SINHCAF: variants seen among roughly 807,000 people sequenced by gnomAD.
The protein encoded by SINHCAF is SIN3-HDAC complex associated factor.
SINHCAF carries 3 observed loss-of-function variants against 25.8 expected under a neutral mutation model. The observed-to-expected ratio is 0.12, with a 90% CI of 0.05 to 0.30. SINHCAF has a LOEUF of 0.30. SINHCAF is among the 10% of genes least tolerant of loss of function. The pLI is 1.00. For missense variants in SINHCAF, 121 were observed against 262.3 expected (o/e 0.46, Z 3.72); for synonymous variants, 70 against 85.5 (o/e 0.82, Z 1.00).
chr12:31,315,408 C>CA (rs1382543044), intron 1 of SINHCAF, among the ~76,000 whole-genome samples: 1 of 152,206 alleles, frequency 6.6e-6, no homozygotes, highest in Non-Finnish European at 1.5e-5. Flanking sequence ...CCCAAGGGGT[C>CA]AGCTTTAGTT....
Position 31,326,132 on chromosome 12 carries a change from G to C in SINHCAF, c.-129C>G, listed in dbSNP as rs1020998558. The stretch of plus-strand genomic sequence containing the variant: ...CCTCCTCAACTGCCTTGTCTAGAAA[G>C]ATAGTCTCCTGCAGTTCTGCAGTTG... On this transcript the variant is annotated 5_prime_UTR_variant, in exon 1 of 6. The change creates a new upstream start codon in the 5' untranslated region. Coordinates refer to ENST00000337682, the MANE Select transcript of SINHCAF (RefSeq NM_001135812.2). 6.6e-6 allele frequency: 1 copy of C among 152,272 alleles called. No individual in the cohort carries two copies. The highest frequency in any genetic ancestry group is 1.5e-5 in the Non-Finnish European group (1 of 68,078). 9.4% of individuals were successfully genotyped at this position (152,272 alleles called of 1,614,324 possible). A position where few individuals can be genotyped will look rare whatever the true frequency, so the allele number is the denominator to read the frequency against.
chr12:31,285,454 C>CACACACACATAA (rs1555110962), intron 5 of SINHCAF, among the ~76,000 whole-genome samples: 1 of 151,040 alleles, frequency 6.6e-6, no homozygotes, highest in Non-Finnish European at 1.5e-5. Context: ...CACACACACA[C>CACACACACATAA]ATAAATAAAT....
intron 5 of SINHCAF, among the ~76,000 whole-genome samples, chr12:31,283,149 G>T (rs1418060321): frequency 6.6e-6 from 1 of 151,838 alleles, no homozygotes; most frequent in East Asian, 1.9e-4. Context: ...CCCTGATGTT[G>T]TTAACTATTT....
chr12:31,318,576 A>ACAATAATTTTAC (rs1256847234), intron 1 of SINHCAF, among the ~76,000 whole-genome samples: 14 of 152,164 alleles, frequency 9.2e-5, no homozygotes, highest in Non-Finnish European at 2.1e-4. Context: ...GCATAGGTTA[A>ACAATAATTTTAC]AAATAAAATT....
At chr12:31,296,108 G>A (rs1592965840) in intron 2 of SINHCAF, among the ~76,000 whole-genome samples, 1 of 151,884 alleles carries the variant, frequency 6.6e-6, no homozygotes, top group Admixed American at 6.6e-5. Context: ...TGATTATCAC[G>A]GTTTTAAACA....
rs938294773 is a variant in SINHCAF, at chr12:31,325,556, C to T, written c.-21+468G>A. ...TAAACCACGAGGTTTCACAACGGCG[C>T]CCGACCCTGCCCGCGCCTCGCGCCC... On this transcript the variant is annotated intron_variant, in intron 1 of 5. Coordinates refer to ENST00000337682, the MANE Select transcript of SINHCAF (RefSeq NM_001135812.2). This position sits in a 1 kb window ranked among gnomAD's most constrained non-coding sequence, Gnocchi z 5.9. 3 of 199,508 alleles carry T rather than the reference C, an allele frequency of 1.5e-5. No individual in the cohort carries two copies. Among genetic ancestry groups the T allele is most frequent in the Admixed American group, 5.6e-5 (1 of 17,816 alleles). The allele number at this position is 199,508 out of a possible 1,614,324, so 12.4% of individuals were successfully genotyped here.
At chr12:31,313,836 G>C (rs1436802446) in intron 1 of SINHCAF, among the ~76,000 whole-genome samples, 2 of 151,862 alleles carry the variant, frequency 1.3e-5, no homozygotes, top group Middle Eastern at 3.2e-3. Flanking sequence ...TTTTAGTAGA[G>C]ATGGGGTTTC....
At position 31,324,090 on chromosome 12, in the gene SINHCAF, G is replaced by T. The variant is rs777765847; in HGVS notation, c.-21+1934C>A. 2.2e-6 allele frequency: 1 copy of T among 453,864 alleles called. No individual in the cohort carries two copies. Among genetic ancestry groups the T allele is most frequent in the South Asian group, 1.6e-5 (1 of 64,458 alleles). 28.1% of individuals were successfully genotyped at this position (453,864 alleles called of 1,614,324 possible). A position where few individuals can be genotyped will look rare whatever the true frequency, so the allele number is the denominator to read the frequency against. On this transcript the variant is annotated intron_variant, in intron 1 of 5. Transcript: ENST00000337682. This position sits in a 1 kb window ranked among gnomAD's most constrained non-coding sequence, Gnocchi z 5.5. ...AAAGTTCCTGCGGGGGCCGCTCGCC[G>T]GGGCGAGGGCGAGGGCAGCGGGAGG... is the stretch of plus-strand genomic sequence containing the variant.
At chr12:31,305,418 C>T (rs1938981581) in intron 1 of SINHCAF, among the ~76,000 whole-genome samples, 1 of 152,152 alleles carries the variant, frequency 6.6e-6, no homozygotes, top group Admixed American at 6.5e-5. Flanking sequence ...TATCAGTCAT[C>T]TTGATTCCCA....
chr12:31,315,096 C>T (rs1939445202), intron 1 of SINHCAF, among the ~76,000 whole-genome samples: 1 of 152,224 alleles, frequency 6.6e-6, no homozygotes, highest in African/African-American at 2.4e-5. Flanking sequence ...GTTCCAGTAG[C>T]TTATTACCTG....
chr12:31,323,645 A>T (rs1017320340), intron 1 of SINHCAF, among the ~76,000 whole-genome samples: 4 of 152,098 alleles, frequency 2.6e-5, no homozygotes, highest in Admixed American at 2.6e-4. Context: ...CTACCACCTC[A>T]AGAAACCAAC....
At chr12:31,321,899 A>G (rs951806708) in intron 1 of SINHCAF, among the ~76,000 whole-genome samples, 3 of 152,204 alleles carry the variant, frequency 2.0e-5, no homozygotes, top group Non-Finnish European at 4.4e-5. Context: ...TTTTACATGT[A>G]AAATGGTTCT....
At chr12:31,317,053 T>C (rs1939521908) in intron 1 of SINHCAF, among the ~76,000 whole-genome samples, 1 of 152,214 alleles carries the variant, frequency 6.6e-6, no homozygotes, top group African/African-American at 2.4e-5. Flanking sequence ...CTGGCTTTTT[T>C]ATATATTCAG....
intron 1 of SINHCAF, among the ~76,000 whole-genome samples, chr12:31,315,825 T>A (rs1238980632): frequency 6.6e-6 from 1 of 152,248 alleles, no homozygotes; most frequent in Non-Finnish European, 1.5e-5. Context: ...CTTTGACTAC[T>A]ATTAGCCAAA....
rs1309865794 is a variant in SINHCAF, at chr12:31,324,130, C to G, written c.-21+1894G>C. 4.4e-6 allele frequency: 2 copies of G among 451,126 alleles called. No individual in the cohort carries two copies. 27.9% of individuals were successfully genotyped at this position (451,126 alleles called of 1,614,324 possible). On this transcript the variant is annotated intron_variant, in intron 1 of 5. Coordinates refer to ENST00000337682, the MANE Select transcript of SINHCAF (RefSeq NM_001135812.2). This position sits in a 1 kb window ranked among gnomAD's most constrained non-coding sequence, Gnocchi z 5.5. ...GCAGCGGGAGGTGAACCGCGTCGCT[C>G]GCCGCCACCTCCCTCACCTGCGCCG...
rs545809496 is a variant in SINHCAF at position 31,313,190 on chromosome 12, A to AT, written c.-21+12833dup. Among the ~76,000 whole-genome samples the AT allele has an allele frequency of 6.2e-3, 918 of 147,704 alleles. 8 individuals are homozygous for AT. Among genetic ancestry groups the AT allele is most frequent in the African/African-American group, 0.017 (692 of 40,012 alleles). ...CAGGTACCCGCCACCACGCCCAGCT[A>AT]TTTTTTTTTTGTATTTTTAGTAGAG... On this transcript the variant is annotated intron_variant, in intron 1 of 5. Coordinates refer to ENST00000337682, the MANE Select transcript of SINHCAF (RefSeq NM_001135812.2).
chr12:31,307,678 G>C (rs1324798582), intron 1 of SINHCAF, among the ~76,000 whole-genome samples: 3 of 152,192 alleles, frequency 2.0e-5, no homozygotes, highest in Non-Finnish European at 4.4e-5. Flanking sequence ...GTTGAGTTAT[G>C]ATGGGAATTC....
chr12:31,297,444 G>A (rs1938594315), intron 2 of SINHCAF, among the ~76,000 whole-genome samples: 1 of 150,354 alleles, frequency 6.7e-6, no homozygotes, highest in Non-Finnish European at 1.5e-5. Flanking sequence ...ACTAGCGTGA[G>A]CCACTGCACC....
At chr12:31,285,621 TA>T (rs1938026959) in intron 5 of SINHCAF, among the ~76,000 whole-genome samples, 1 of 152,114 alleles carries the variant, frequency 6.6e-6, no homozygotes, top group African/African-American at 2.4e-5. Context: ...TATGTAACCT[TA>T]AACAAAGTAC....
Sources: allele counts gnomAD v4.1 joint callset (sites outside exome capture counted in the v4.1 genomes callset), GRCh38; gene constraint gnomAD v4.1.1; non-coding constraint Gnocchi (gnomAD v3.1); transcripts MANE v1.5; gene names NCBI Gene and HGNC (gene_info 2026-07-23, HGNC 2026-07-21).